Variants in UGT1A8 observed in about 807,000 individuals in gnomAD.
UGT1A8 encodes the protein UDP-glucuronosyltransferase 1A8.
Under a neutral mutation model 45.3 loss-of-function variants are expected in UGT1A8, and 39 were observed. That is an observed-to-expected ratio of 0.86 (90% CI 0.67 to 1.12). UGT1A8 has a LOEUF of 1.12. UGT1A8 is among the 50% of genes most tolerant of loss of function. The pLI is 0.00. For missense variants in UGT1A8, 719 were observed against 664.9 expected, an observed-to-expected ratio of 1.08 and a Z score of -0.90; for synonymous variants, 275 against 249.2, an observed-to-expected ratio of 1.10 and a Z score of -0.97.
intron 1 of UGT1A8, among the ~76,000 whole-genome samples, chr2:233,639,257 T>C (rs2073384600): frequency 6.6e-6 from 1 of 152,236 alleles, no homozygotes; most frequent in Non-Finnish European, 1.5e-5. Context: ...TATACACATG[T>C]ATGAAAGTTT....
chr2:233,713,808 A>G, intron 1 of UGT1A8: 2 of 1,614,048 alleles, frequency 1.2e-6, no homozygotes, highest in Non-Finnish European at 1.7e-6. Flanking sequence ...CATGCCCAAC[A>G]TGGTCTTCAT....
chr2:233,618,094 T>C lies in UGT1A8; in HGVS notation c.387T>C (p.Asn129=), dbSNP rs754213738. ...TTTCGCATTGCAGGAGTTTGTTTAA[T>C]GACCGAAAATTAGTAGAATACTTAA... ...LFFSHCRSLF[N]DRKLVEYLKE... The change falls in exon 1 of 5, where the codon AAT becomes AAC. Residue 129 remains asparagine, a synonymous_variant. Coordinates refer to ENST00000373450, the MANE Select transcript of UGT1A8 (RefSeq NM_019076.5). 1 of 1,614,058 alleles carries C rather than the reference T, an allele frequency of 6.2e-7. No homozygotes were observed. The highest frequency in any genetic ancestry group is 2.2e-5 in the East Asian group (1 of 44,894).
chr2:233,696,132 A>G (rs1187117199), intron 1 of UGT1A8, among the ~76,000 whole-genome samples: 2 of 152,204 alleles, frequency 1.3e-5, no homozygotes, highest in African/African-American at 4.8e-5. Flanking sequence ...CTGCCCCAAT[A>G]TATCCCATTG....
At chr2:233,700,807 GGT>G (rs2075588613) in intron 1 of UGT1A8, among the ~76,000 whole-genome samples, 1 of 151,690 alleles carries the variant, frequency 6.6e-6, no homozygotes, top group African/African-American at 2.4e-5. Context: ...GTGCCATGTT[GGT>G]GTGCTGCACC....
intron 1 of UGT1A8, among the ~76,000 whole-genome samples, chr2:233,765,022 G>A (rs976641951): frequency 6.6e-6 from 1 of 152,124 alleles, no homozygotes; most frequent in Non-Finnish European, 1.5e-5. Context: ...GGCTTGGCAG[G>A]AGTCCTGCTG....
chr2:233,725,050 G>C (rs2077352447), intron 1 of UGT1A8, among the ~76,000 whole-genome samples: 1 of 147,798 alleles, frequency 6.8e-6, no homozygotes, highest in South Asian at 2.3e-4. Flanking sequence ...AGTCAGGCGT[G>C]GCGGCGCGCG....
At chr2:233,668,192 C>T (rs1021618844) in intron 1 of UGT1A8, among the ~76,000 whole-genome samples, 1 of 152,098 alleles carries the variant, frequency 6.6e-6, no homozygotes, top group Non-Finnish European at 1.5e-5. Context: ...TTTCCTAATG[C>T]TATCCCTCCC....
chr2:233,682,460 C>T (rs774646173), intron 1 of UGT1A8: 1 of 1,613,832 alleles, frequency 6.2e-7, no homozygotes, highest in South Asian at 1.1e-5. Context: ...AATATTTTGC[C>T]ACTATCTTGA....
intron 1 of UGT1A8, among the ~76,000 whole-genome samples, chr2:233,727,078 A>G (rs1212092454): frequency 6.6e-6 from 1 of 152,188 alleles, no homozygotes; most frequent in Non-Finnish European, 1.5e-5. Flanking sequence ...TTCTCTTACA[A>G]ACATTAAAGA....
chr2:233,726,566 C>T (rs772348074), intron 1 of UGT1A8, among the ~76,000 whole-genome samples: 3 of 152,296 alleles, frequency 2.0e-5, no homozygotes, highest in South Asian at 2.1e-4. Flanking sequence ...CCCACTCTTA[C>T]GCCTGTCTCC....
chr2:233,632,967 T>C (rs1276348294), intron 1 of UGT1A8, among the ~76,000 whole-genome samples: 1 of 152,212 alleles, frequency 6.6e-6, no homozygotes, highest in Non-Finnish European at 1.5e-5. Flanking sequence ...TGGCTGTCGG[T>C]TTGTCATAAA....
At chr2:233,695,133 T>TC (rs71058573) in intron 1 of UGT1A8, among the ~76,000 whole-genome samples, 10 of 145,970 alleles carry the variant, frequency 6.9e-5, no homozygotes, top group African/African-American at 1.5e-4. Flanking sequence ...TTCTTTTCTT[T>TC]TTTTTTTTTT....
intron 1 of UGT1A8, among the ~76,000 whole-genome samples, chr2:233,704,362 C>T (rs2075783808): frequency 7.0e-6 from 1 of 143,344 alleles, no homozygotes; most frequent in African/African-American, 2.6e-5. Flanking sequence ...AGCGGTTGTT[C>T]TAGGGCTTAG....
chr2:233,730,014 C>G (rs1187658663), intron 1 of UGT1A8: 2 of 1,613,720 alleles, frequency 1.2e-6, no homozygotes, highest in Non-Finnish European at 1.7e-6. Context: ...GTGCCTTCAT[C>G]CAATCAATGT....
Position 233,755,049 on chromosome 2 carries a change from T to TCCGC in UGT1A8, c.856-11982_856-11979dup, listed in dbSNP as rs1457280659. The TCCGC allele has an allele frequency of 3.8e-6, 5 of 1,330,832 alleles. No homozygotes were observed. In the South Asian group the frequency reaches 5.7e-5, roughly 15 times the overall value. The allele number at this position is 1,330,832 out of a possible 1,614,324, so 82.4% of individuals were successfully genotyped here. ...GGGCCTGCCGCCTGCGCAGCCGCCC[T>TCCGC]CCGCCCTCGCCTCGCCATAGCGGTC... On this transcript the variant is annotated intron_variant, in intron 1 of 4. Coordinates refer to ENST00000373450, the MANE Select transcript of UGT1A8 (RefSeq NM_019076.5).
At chr2:233,669,517 T>G (rs1187471900) in intron 1 of UGT1A8, among the ~76,000 whole-genome samples, 1 of 152,238 alleles carries the variant, frequency 6.6e-6, no homozygotes, top group Admixed American at 6.5e-5. Context: ...ACATCTTTTG[T>G]CAGATTTATC....
intron 1 of UGT1A8, among the ~76,000 whole-genome samples, chr2:233,699,450 A>G (rs1488653685): frequency 6.6e-6 from 1 of 152,212 alleles, no homozygotes; most frequent in African/African-American, 2.4e-5. Context: ...TGTTTTCCTT[A>G]GAACAAAGGA....
intron 1 of UGT1A8, among the ~76,000 whole-genome samples, chr2:233,697,058 G>C (rs1287604858): frequency 6.6e-6 from 1 of 151,826 alleles, no homozygotes; most frequent in Non-Finnish European, 1.5e-5. Flanking sequence ...TTGTGTCCTT[G>C]TCTGGTTTTG....
In UGT1A8 at chr2:233,621,162, A is replaced by G. The variant is rs111885226; in HGVS notation, c.855+2600A>G. 1.3e-3 allele frequency among the ~76,000 whole-genome samples: 204 copies of G among 152,268 alleles called. 1 individual carries two copies. The highest frequency in any genetic ancestry group is 4.6e-3 in the African/African-American group (193 of 41,546). ...GTCAGGGATCAAATTTCAACGTGAG[A>G]TTTGGAGGGGATAAACTTTTAAACT... On this transcript the variant is annotated intron_variant, in intron 1 of 4. Transcript: ENST00000373450.
Sources: allele counts gnomAD v4.1 joint callset (sites outside exome capture counted in the v4.1 genomes callset), GRCh38; gene constraint gnomAD v4.1.1; transcripts MANE v1.5; gene names NCBI Gene and HGNC (gene_info 2026-07-23, HGNC 2026-07-21).